The following CAPN8 variants were observed in gnomAD, a reference collection of about 807,000 sequenced individuals.
The protein encoded by CAPN8 is calpain-8.
A neutral mutation model predicts 80.9 loss-of-function variants in CAPN8; 87 were observed. That is an observed-to-expected ratio of 1.07 (90% CI 0.90 to 1.28). CAPN8 has a LOEUF of 1.28. Among genes scored for constraint, CAPN8 ranks in the 50% most tolerant of loss-of-function variants. CAPN8 has a pLI of 0.00. For synonymous variants in CAPN8, 299 were observed against 273.8 expected (o/e 1.09, Z -0.91); for missense variants, 757 against 702.0 (o/e 1.08, Z -0.89).
chr1:223,557,130 A>G (rs1251733651), intron 13 of CAPN8, among the ~76,000 whole-genome samples: 3 of 152,228 alleles, frequency 2.0e-5, no homozygotes, highest in East Asian at 1.9e-4. Flanking sequence ...GACATGGGGC[A>G]TGCATTTTCT....
intron 16 of CAPN8, 63 bp downstream of exon 16, chr1:223,549,255 G>A: frequency 6.5e-7 from 1 of 1,533,554 alleles, no homozygotes; most frequent in East Asian, 2.5e-5. Context: ...GGAAAAGGTG[G>A]AGGAGTCTTT....
rs1203125032 is a variant in CAPN8 at position 223,555,637 on chromosome 1, TGGAAAAACATAAAATTGCATAGG to T, written c.1573-1760_1573-1738del. Among the ~76,000 whole-genome samples the T allele has an allele frequency of 4.6e-3, 701 of 152,232 alleles. 7 individuals are homozygous for T. The highest frequency in any genetic ancestry group is 0.016 in the African/African-American group (659 of 41,538). The stretch of plus-strand genomic sequence containing the variant: ...GACATGGAGTAATATTCTCCATGTC[TGGAAAAACATAAAATTGCATAGG>T]GGAAAAACATAAAATTGCATATAAA... On this transcript the variant is annotated intron_variant, in intron 13 of 20. Transcript: ENST00000366872.
At chr1:223,655,578 A>G (rs73127625) in intron 1 of CAPN8, among the ~76,000 whole-genome samples, 2,908 of 152,336 alleles carry the variant, frequency 0.019, 89 homozygotes, top group African/African-American at 0.065. Flanking sequence ...ATAGCAAACC[A>G]AGATTGACAT....
In CAPN8 at chr1:223,625,754, T is replaced by G. The variant is rs76517213; in HGVS notation, c.813+51A>C. 3.5e-3 allele frequency: 5,094 copies of G among 1,469,424 alleles called. 15 individuals are homozygous for G. The highest frequency in any genetic ancestry group is 4.4e-3 in the Non-Finnish European group (4,720 of 1,073,374). The allele number at this position is 1,469,424 out of a possible 1,614,324, so 91.0% of individuals were successfully genotyped here. A position where few individuals can be genotyped will look rare whatever the true frequency, so the allele number is the denominator to read the frequency against. On this transcript the variant is annotated intron_variant, in intron 6 of 20. Coordinates refer to ENST00000366872, the MANE Select transcript of CAPN8 (RefSeq NM_001143962.2). ...TTCCTCCTGTCGAGATGGCTTGGATTCATGGAAATATTATCACACGTTACC... is the reference window on the plus strand; with the variant it reads ...TTCCTCCTGTCGAGATGGCTTGGATGCATGGAAATATTATCACACGTTACC...
At chr1:223,618,343 T>A in intron 9 of CAPN8, 1 of 1,548,394 alleles carries the variant, frequency 6.5e-7, no homozygotes, top group Non-Finnish European at 8.7e-7. Context: ...TTGCACCAGG[T>A]GAGGACCCAG....
At chr1:223,627,879 T>TG (rs1485238995) in intron 4 of CAPN8, 130 bp downstream of exon 4, 30 of 1,086,368 alleles carry the variant, frequency 2.8e-5, no homozygotes, top group African/African-American at 6.4e-5. Flanking sequence ...CTCCGGCTCA[T>TG]GGGGGTCTGG....
chr1:223,640,227 G>A (rs1366198632), intron 2 of CAPN8, among the ~76,000 whole-genome samples: 2 of 152,152 alleles, frequency 1.3e-5, no homozygotes, highest in Non-Finnish European at 2.9e-5. Flanking sequence ...AGATAAAAAT[G>A]AGATAAGATA....
intron 14 of CAPN8, among the ~76,000 whole-genome samples, chr1:223,553,603 G>T (rs1656847811): frequency 6.6e-6 from 1 of 152,150 alleles, no homozygotes; most frequent in Non-Finnish European, 1.5e-5. Context: ...TTTCTCAAGA[G>T]TCAGTCAACG....
chr1:223,643,437 A>G (rs541675338), intron 2 of CAPN8, among the ~76,000 whole-genome samples: 1 of 152,378 alleles, frequency 6.6e-6, no homozygotes, highest in South Asian at 2.1e-4. Flanking sequence ...ACATGAGGTG[A>G]ACTGAACTCA....
chr1:223,656,901 G>A (rs1437629693), intron 1 of CAPN8, among the ~76,000 whole-genome samples: 1 of 151,810 alleles, frequency 6.6e-6, no homozygotes, highest in Non-Finnish European at 1.5e-5. Flanking sequence ...AACCAGGATG[G>A]TCTCCATCTC....
intron 16 of CAPN8, among the ~76,000 whole-genome samples, chr1:223,546,893 T>C (rs929834790): frequency 4.6e-5 from 1 of 21,594 alleles, no homozygotes. Context: ...GTGGTTGTTG[T>C]TGTTGTTGTT....
intron 2 of CAPN8, among the ~76,000 whole-genome samples, chr1:223,641,535 C>T (rs1342930257): frequency 6.6e-6 from 1 of 152,128 alleles, no homozygotes; most frequent in Non-Finnish European, 1.5e-5. Context: ...AGCAGCCCTG[C>T]TTTAAAATCT....
chr1:223,614,136 C>T (rs1396771843), intron 10 of CAPN8, among the ~76,000 whole-genome samples: 2 of 152,166 alleles, frequency 1.3e-5, no homozygotes, highest in African/African-American at 2.4e-5. Context: ...CAGTGGCTCA[C>T]GCCTTTAATG....
intron 13 of CAPN8, among the ~76,000 whole-genome samples, chr1:223,557,074 G>C (rs1656921912): frequency 6.6e-6 from 1 of 152,250 alleles, no homozygotes; most frequent in Admixed American, 6.5e-5. Flanking sequence ...AGTGCACAGG[G>C]AAGCAGTCAC....
rs953383500 is a variant in CAPN8, at chr1:223,609,301, G to A, written c.1387C>T (p.Arg463Cys). 1.2e-4 allele frequency: 49 copies of A among 398,578 alleles called. No homozygotes were observed. Among genetic ancestry groups the A allele is most frequent in the African/African-American group, 1.6e-4 (8 of 48,710 alleles). The allele number at this position is 398,578 out of a possible 1,614,324, so 24.7% of individuals were successfully genotyped here. ...CGCAGGTTGACGTAGGTGCTGGTGC[G>A]GGCTGAGGGCTGGTAGGCCAGGAAG... ...DFFLAYQPSA[R>C]TSTYVNLREV... The change falls in exon 12 of 21, where the codon CGC becomes TGC. Residue 463 changes from arginine to cysteine, a missense_variant. Arg to Cys is a radical substitution (Grantham distance 180). Coordinates refer to ENST00000366872, the MANE Select transcript of CAPN8 (RefSeq NM_001143962.2).
In CAPN8 at chr1:223,645,997, C is replaced by T. The variant is rs192961091; in HGVS notation, c.307+8333G>A. Among the ~76,000 whole-genome samples the T allele has an allele frequency of 2.4e-4, 36 of 152,242 alleles. No individual in the cohort carries two copies. The East Asian group carries it at 4.1e-3, about 17-fold the overall frequency. On this transcript the variant is annotated intron_variant, in intron 2 of 20. Transcript: ENST00000366872. ...GCAAGAAATGCCACCTGTAACTTTA[C>T]GAGGTGACTATGGGGGAGCACTGTG... is the stretch of plus-strand genomic sequence containing the variant.
At chr1:223,625,924 C>A in intron 5 of CAPN8, 36 bp from the exon 6 acceptor site, 1 of 1,522,458 alleles carries the variant, frequency 6.6e-7, no homozygotes, top group Non-Finnish European at 8.9e-7. Context: ...GTGGCTGACC[C>A]TGACCTCTCA....
Position 223,639,638 on chromosome 1 carries a change from G to A in CAPN8, c.308-10858C>T, listed in dbSNP as rs113043135. Among the ~76,000 whole-genome samples, 1,107 of 152,326 alleles carry A rather than the reference G, an allele frequency of 7.3e-3. 11 individuals carry two copies. The highest frequency in any genetic ancestry group is 0.024 in the African/African-American group (996 of 41,562). On this transcript the variant is annotated intron_variant, in intron 2 of 20. Transcript: ENST00000366872. ...CCATATTCAGCCTCTAAAAGCCCAC[G>A]CTGCTGCAGTGGAGCTCTCTGAACC...
chr1:223,650,348 G>A lies in CAPN8; in HGVS notation c.307+3982C>T, dbSNP rs74145968. 2.9e-3 allele frequency among the ~76,000 whole-genome samples: 444 copies of A among 152,248 alleles called. 1 individual carries two copies. The highest frequency in any genetic ancestry group is 9.9e-3 in the African/African-American group (411 of 41,538). Reference sequence around the variant, plus strand: ...GATAGTTCTCCCTGTGGTTTTAGAGGAGGTTCCCAGTCACAAGAGGCTCCC... The same window carrying A: ...GATAGTTCTCCCTGTGGTTTTAGAGAAGGTTCCCAGTCACAAGAGGCTCCC... On this transcript the variant is annotated intron_variant, in intron 2 of 20. Coordinates refer to ENST00000366872, the MANE Select transcript of CAPN8 (RefSeq NM_001143962.2).
Sources: allele counts gnomAD v4.1 joint callset (sites outside exome capture counted in the v4.1 genomes callset), GRCh38; gene constraint gnomAD v4.1.1; transcripts MANE v1.5; gene names NCBI Gene and HGNC (gene_info 2026-07-23, HGNC 2026-07-21).